The following NALF1 variants were observed in gnomAD, a reference collection of about 807,000 sequenced individuals.
The protein encoded by NALF1 is family with sequence similarity 155 member A.
NALF1 carries 3 observed loss-of-function variants against 48.4 expected under a neutral mutation model. That is an observed-to-expected ratio of 0.06 (90% confidence interval 0.03 to 0.16). The LOEUF is 0.16. Ranked by LOEUF, NALF1 falls within the 10% of genes least tolerant of loss-of-function variation. The pLI is 1.00. For missense variants in NALF1, 526 were observed against 571.5 expected, an observed-to-expected ratio of 0.92 and a Z score of 0.81; for synonymous variants, 262 against 245.7, an observed-to-expected ratio of 1.07 and a Z score of -0.62.
intron 1 of NALF1, among the ~76,000 whole-genome samples, chr13:107,409,971 C>T (rs556275657): frequency 2.6e-5 from 4 of 152,274 alleles, no homozygotes; most frequent in African/African-American, 9.6e-5. Context: ...ACTGATTAAG[C>T]ATATGCAGTA....
intron 1 of NALF1, among the ~76,000 whole-genome samples, chr13:107,772,364 A>T (rs958673553): frequency 6.6e-6 from 1 of 152,192 alleles, no homozygotes; most frequent in East Asian, 1.9e-4. Context: ...AAAATTTTTT[A>T]AAATATTGAG....
intron 2 of NALF1, among the ~76,000 whole-genome samples, chr13:107,195,351 G>T (rs1387051092): frequency 6.6e-6 from 1 of 152,170 alleles, no homozygotes; most frequent in Admixed American, 6.5e-5. Context: ...TAGTAATAAT[G>T]CTAGTTACAT....
At chr13:107,455,693 T>C (rs1006752380) in intron 1 of NALF1, among the ~76,000 whole-genome samples, 13 of 152,198 alleles carry the variant, frequency 8.5e-5, no homozygotes, top group African/African-American at 3.1e-4. Flanking sequence ...TCCACCTGTT[T>C]ATCCTCCTCT....
intron 1 of NALF1, among the ~76,000 whole-genome samples, chr13:107,290,178 A>AC: frequency 6.9e-6 from 1 of 144,012 alleles, no homozygotes; most frequent in South Asian, 2.1e-4. Context: ...AACCAGCAAA[A>AC]AAAAAAAACA....
chr13:107,637,094 A>G (rs943215728), intron 1 of NALF1, among the ~76,000 whole-genome samples: 2 of 151,910 alleles, frequency 1.3e-5, no homozygotes, highest in Non-Finnish European at 2.9e-5. Context: ...ATTAGGCTAT[A>G]CCATATAGCC....
chr13:107,616,000 T>C (rs933118386), intron 1 of NALF1, among the ~76,000 whole-genome samples: 2 of 152,142 alleles, frequency 1.3e-5, no homozygotes, highest in Non-Finnish European at 2.9e-5. Context: ...ACAGGACTGG[T>C]TTGAGAATTA....
At chr13:107,298,992 C>T (rs1347998517) in intron 1 of NALF1, among the ~76,000 whole-genome samples, 2 of 152,062 alleles carry the variant, frequency 1.3e-5, no homozygotes, top group Admixed American at 1.3e-4. Flanking sequence ...GGATCCTATA[C>T]TCTATTTAGT....
intron 1 of NALF1, among the ~76,000 whole-genome samples, chr13:107,812,735 G>T (rs915685044): frequency 1.3e-5 from 2 of 151,970 alleles, no homozygotes; most frequent in Non-Finnish European, 1.5e-5. Context: ...TCTAAATAAT[G>T]CTACAATTTC....
chr13:107,608,995 A>C (rs1879150109), intron 1 of NALF1, among the ~76,000 whole-genome samples: 1 of 152,222 alleles, frequency 6.6e-6, no homozygotes, highest in Non-Finnish European at 1.5e-5. Context: ...ACAGTGAACA[A>C]GATGAGAAGG....
chr13:107,481,816 G>A (rs1055200291), intron 1 of NALF1, among the ~76,000 whole-genome samples: 4 of 152,114 alleles, frequency 2.6e-5, no homozygotes, highest in African/African-American at 9.7e-5. Flanking sequence ...TTTGAGAGGA[G>A]TCCTCTGCTC....
chr13:107,549,883 A>C (rs1471596294), intron 1 of NALF1, among the ~76,000 whole-genome samples: 1 of 152,026 alleles, frequency 6.6e-6, no homozygotes, highest in African/African-American at 2.4e-5. Flanking sequence ...TCCAGTTTCC[A>C]ATAAGAATTG....
chr13:107,214,785 C>A (rs1348512224), intron 1 of NALF1, among the ~76,000 whole-genome samples: 1 of 152,180 alleles, frequency 6.6e-6, no homozygotes, highest in Non-Finnish European at 1.5e-5. Context: ...CAAATGACAG[C>A]ATCATTTTTA....
chr13:107,247,735 T>C (rs545453624), intron 1 of NALF1, among the ~76,000 whole-genome samples: 6 of 152,262 alleles, frequency 3.9e-5, no homozygotes, highest in Admixed American at 3.3e-4. Flanking sequence ...TAAAATGAGA[T>C]TAGGATAGTA....
intron 1 of NALF1, among the ~76,000 whole-genome samples, chr13:107,301,177 C>G (rs1358604988): frequency 6.6e-6 from 1 of 152,100 alleles, no homozygotes; most frequent in Non-Finnish European, 1.5e-5. Context: ...CACTGTAATT[C>G]CTCAGTTTAC....
intron 1 of NALF1, among the ~76,000 whole-genome samples, chr13:107,602,752 T>A (rs1878963638): frequency 1.3e-5 from 2 of 152,208 alleles, no homozygotes; most frequent in South Asian, 4.1e-4. Context: ...CATGCTTATA[T>A]TTGCTAGTTT....
intron 1 of NALF1, among the ~76,000 whole-genome samples, chr13:107,310,058 A>C (rs973297104): frequency 1.3e-5 from 2 of 151,882 alleles, no homozygotes; most frequent in African/African-American, 4.8e-5. Flanking sequence ...GTTAGGTTTT[A>C]TTTGTTTTGT....
chr13:107,460,387 T>C (rs372439118), intron 1 of NALF1, among the ~76,000 whole-genome samples: 5 of 152,248 alleles, frequency 3.3e-5, no homozygotes, highest in Non-Finnish European at 7.3e-5. Context: ...ATTCTGAGAC[T>C]TGGCACCTTC....
intron 1 of NALF1, among the ~76,000 whole-genome samples, chr13:107,759,392 T>C: frequency 6.6e-6 from 1 of 152,140 alleles, no homozygotes. Context: ...GTATTTTTAG[T>C]AGAGGCGGGG....
chr13:107,322,464 G>A (rs1882276160), intron 1 of NALF1, among the ~76,000 whole-genome samples: 1 of 152,090 alleles, frequency 6.6e-6, no homozygotes, highest in Non-Finnish European at 1.5e-5. Flanking sequence ...AATTAACTAT[G>A]AGTCATCATT....
Sources: gnomAD v4.1 joint callset for allele counts (sites outside exome capture counted in the v4.1 genomes callset) on GRCh38, gnomAD v4.1.1 for gene constraint, MANE v1.5 for transcripts, NCBI Gene and HGNC (gene_info 2026-07-23, HGNC 2026-07-21) for gene names.